GHR: variants seen among roughly 807,000 people sequenced by gnomAD.
GHR encodes the protein GH receptor.
A neutral mutation model predicts 67.1 loss-of-function variants in GHR; 35 were observed. The observed-to-expected ratio is 0.52, with a 90% CI of 0.40 to 0.69. The LOEUF is 0.69. Among genes scored for constraint, GHR ranks in the 30% least tolerant of loss-of-function variants. GHR has a pLI of 0.00. For synonymous variants in GHR, 272 were observed against 269.1 expected (o/e 1.01, Z -0.10); for missense variants, 792 against 764.6 (o/e 1.04, Z -0.42).
At chr5:42,645,600 T>C (rs1034376617) in intron 3 of GHR, among the ~76,000 whole-genome samples, 2 of 152,234 alleles carry the variant, frequency 1.3e-5, no homozygotes, top group East Asian at 3.8e-4. Context: ...TTCAAGCTTG[T>C]GTATACAGGC....
intron 1 of GHR, chr5:42,465,347 C>T: frequency 1.2e-6 from 1 of 801,614 alleles, no homozygotes; most frequent in Non-Finnish European, 2.1e-6. Flanking sequence ...TCAGTTATTA[C>T]CCACCAGTAA....
chr5:42,432,359 A>G (rs1381233157), intron 1 of GHR, among the ~76,000 whole-genome samples: 1 of 152,214 alleles, frequency 6.6e-6, no homozygotes, highest in African/African-American at 2.4e-5. Flanking sequence ...TTATTGAGAG[A>G]AAAGGTGCAT....
intron 1 of GHR, among the ~76,000 whole-genome samples, chr5:42,513,779 T>C (rs1747124401): frequency 6.7e-6 from 1 of 150,236 alleles, no homozygotes; most frequent in Non-Finnish European, 1.5e-5. Flanking sequence ...CAAAACTCCG[T>C]CTCAAAAAAA....
intron 6 of GHR, among the ~76,000 whole-genome samples, chr5:42,710,277 TA>T (rs1758390525): frequency 6.6e-6 from 1 of 152,146 alleles, no homozygotes; most frequent in Non-Finnish European, 1.5e-5. Flanking sequence ...GCTGACTTAA[TA>T]AAACAAATTA....
At chr5:42,587,692 A>G (rs1480176383) in intron 2 of GHR, among the ~76,000 whole-genome samples, 1 of 151,566 alleles carries the variant, frequency 6.6e-6, no homozygotes, top group Non-Finnish European at 1.5e-5. Flanking sequence ...TGTTTTTTTA[A>G]GAAACAGAGA....
chr5:42,693,479 T>G (rs920967967), intron 4 of GHR, among the ~76,000 whole-genome samples: 4 of 152,116 alleles, frequency 2.6e-5, no homozygotes, highest in Non-Finnish European at 5.9e-5. Context: ...AAGCAGCAAT[T>G]CACTGTCTCA....
chr5:42,596,895 A>T (rs1432530417), intron 2 of GHR, among the ~76,000 whole-genome samples: 2 of 152,154 alleles, frequency 1.3e-5, no homozygotes, highest in Non-Finnish European at 2.9e-5. Flanking sequence ...TCCTATAAGT[A>T]ACACAGCCCA....
At chr5:42,446,275 T>G (rs915899894) in intron 1 of GHR, among the ~76,000 whole-genome samples, 1 of 152,128 alleles carries the variant, frequency 6.6e-6, no homozygotes, top group Non-Finnish European at 1.5e-5. Context: ...CCAGAAGATA[T>G]GGCATCTGAG....
At chr5:42,456,822 G>A (rs926091809) in intron 1 of GHR, among the ~76,000 whole-genome samples, 6 of 152,116 alleles carry the variant, frequency 3.9e-5, no homozygotes, top group African/African-American at 1.4e-4. Context: ...CTTTGAATAT[G>A]GAAAAATCCC....
chr5:42,493,206 G>T (rs191246081), intron 1 of GHR, among the ~76,000 whole-genome samples: 37 of 152,284 alleles, frequency 2.4e-4, no homozygotes, highest in Non-Finnish European at 1.0e-4. Flanking sequence ...GTGGAGGTGG[G>T]GAGACAGAGA....
chr5:42,503,085 G>A (rs780346408), intron 1 of GHR, among the ~76,000 whole-genome samples: 117 of 152,004 alleles, frequency 7.7e-4, no homozygotes, highest in Non-Finnish European at 1.2e-3. Flanking sequence ...TCTGATTACC[G>A]GGGTCTCTGA....
intron 1 of GHR, chr5:42,548,039 T>G: frequency 1.0e-6 from 1 of 973,384 alleles, no homozygotes; most frequent in Non-Finnish European, 1.2e-6. Context: ...TTCTAACGCT[T>G]AGCCCTCTTC....
intron 1 of GHR, among the ~76,000 whole-genome samples, chr5:42,503,562 C>T (rs994094470): frequency 6.6e-6 from 1 of 152,136 alleles, no homozygotes; most frequent in African/African-American, 2.4e-5. Flanking sequence ...TTATCAAGAG[C>T]CTGCTATGAG....
At chr5:42,713,344 AT>A (rs1005374720) in intron 7 of GHR, 84 bp from the exon 8 acceptor site, 6 of 749,126 alleles carry the variant, frequency 8.0e-6, no homozygotes, top group Non-Finnish European at 1.2e-5. Context: ...CAAATTATGA[AT>A]TTTTTGTGAA....
intron 6 of GHR, among the ~76,000 whole-genome samples, chr5:42,703,070 G>A (rs75600135): frequency 0.018 from 2,753 of 151,912 alleles, 144 homozygotes; most frequent in South Asian, 0.17. Context: ...ATGTAATCCC[G>A]TTTATCTATT....
chr5:42,453,279 C>T (rs563766923), intron 1 of GHR, among the ~76,000 whole-genome samples: 7 of 152,192 alleles, frequency 4.6e-5, no homozygotes, highest in East Asian at 1.9e-4. Context: ...GATCCCTTGA[C>T]GCTTATGTCC....
chr5:42,638,999 A>G (rs567068482), intron 3 of GHR, among the ~76,000 whole-genome samples: 3 of 152,294 alleles, frequency 2.0e-5, no homozygotes, highest in South Asian at 2.1e-4. Flanking sequence ...TCACGACTGT[A>G]ATAGTGTAAA....
At chr5:42,534,181 T>C (rs1579888739) in intron 1 of GHR, among the ~76,000 whole-genome samples, 2 of 96,578 alleles carry the variant, frequency 2.1e-5, no homozygotes, top group African/African-American at 9.1e-5. Context: ...TATATATGTA[T>C]GTATATATGT....
chr5:42,561,767 G>A (rs537539228), intron 1 of GHR, among the ~76,000 whole-genome samples: 1 of 152,306 alleles, frequency 6.6e-6, no homozygotes, highest in African/African-American at 2.4e-5. Context: ...ATCTTGCCAT[G>A]AGGCTATAGC....
Sources: allele counts gnomAD v4.1 joint callset (sites outside exome capture counted in the v4.1 genomes callset), GRCh38; gene constraint gnomAD v4.1.1; transcripts MANE v1.5; gene names NCBI Gene and HGNC (gene_info 2026-07-23, HGNC 2026-07-21).